The following ANKRD17 variants were observed in gnomAD, a reference collection of about 807,000 sequenced individuals.
The protein encoded by ANKRD17 is ankyrin repeat domain-containing protein 17.
Under a neutral mutation model 229.7 loss-of-function variants are expected in ANKRD17, and 19 were observed. The ratio of observed to expected loss-of-function variants is 0.08; its 90% CI spans 0.06 to 0.12. The LOEUF (loss-of-function observed/expected upper bound fraction) is 0.12, where lower values mean the gene tolerates loss of function less well. ANKRD17 is among the 10% of genes least tolerant of loss of function. ANKRD17 has a pLI of 1.00. For missense variants in ANKRD17, 2,176 were observed against 3,176.8 expected, an observed-to-expected ratio of 0.68 and a Z score of 7.57; for synonymous variants, 1,112 against 1,146.1, an observed-to-expected ratio of 0.97 and a Z score of 0.60.
intron 29 of ANKRD17, 74 bp downstream of exon 29, chr4:73,090,593 T>A: frequency 6.4e-7 from 1 of 1,567,760 alleles, no homozygotes; most frequent in Non-Finnish European, 8.7e-7. Flanking sequence ...ATAAAAATAT[T>A]AGAAAATGAC....
At chr4:73,250,589 C>CAAAAAAAAA (rs35160047) in intron 1 of ANKRD17, among the ~76,000 whole-genome samples, 503 of 29,404 alleles carry the variant, frequency 0.017, 94 homozygotes, top group African/African-American at 0.017. Flanking sequence ...GACCTTGTCT[C>CAAAAAAAAA]AAAAAAAAAA....
At chr4:73,190,882 A>G (rs1321652267) in intron 1 of ANKRD17, among the ~76,000 whole-genome samples, 4 of 152,136 alleles carry the variant, frequency 2.6e-5, no homozygotes, top group African/African-American at 9.6e-5. Context: ...AAACTTTACT[A>G]AAGGACAAAA....
Position 73,115,845 on chromosome 4 carries a change from T to C in ANKRD17, c.4260A>G (p.Arg1420=). ...CCTTATCAGTGATGGTTGCTATGTA[T>C]CTCATACATTCAGAATCTGATGGAA... The part of the protein sequence containing the change: ...NQFPSDSECM[R]YIATITDKEM... The change falls in exon 23 of 34, where the codon AGA becomes AGG. Residue 1420 remains arginine (R), a synonymous_variant. Coordinates refer to ENST00000358602, the MANE Select transcript of ANKRD17 (RefSeq NM_032217.5). The C allele has an allele frequency of 6.2e-7, 1 of 1,613,290 alleles. No individual in the cohort carries two copies. The highest frequency in any genetic ancestry group is 8.5e-7 in the Non-Finnish European group (1 of 1,179,826).
At chr4:73,208,188 CAAAAAAA>C (rs36126530) in intron 1 of ANKRD17, among the ~76,000 whole-genome samples, 2 of 67,962 alleles carry the variant, frequency 2.9e-5, no homozygotes, top group South Asian at 7.3e-4. Flanking sequence ...GACTCCGTCT[CAAAAAAA>C]AAAAAAAAAA....
chr4:73,173,472 C>T (rs182802608), intron 2 of ANKRD17, among the ~76,000 whole-genome samples: 1 of 152,218 alleles, frequency 6.6e-6, no homozygotes, highest in Admixed American at 6.5e-5. Context: ...GTGCAGCTCC[C>T]ACTTGGATGG....
At chr4:73,196,681 A>C (rs1422113450) in intron 1 of ANKRD17, among the ~76,000 whole-genome samples, 1 of 152,170 alleles carries the variant, frequency 6.6e-6, no homozygotes, top group Non-Finnish European at 1.5e-5. Context: ...CAAATAGTGA[A>C]AGTTATCCAT....
At chr4:73,085,217 A>G in intron 30 of ANKRD17, 32 bp downstream of exon 30, 1 of 1,597,488 alleles carries the variant, frequency 6.3e-7, no homozygotes, top group Non-Finnish European at 8.6e-7. Flanking sequence ...ACATATGCAG[A>G]TTCTTATGGA....
chr4:73,177,420 T>C lies in ANKRD17; in HGVS notation c.507A>G (p.Pro169=). ...AAGCTTCCAGTCTAGCCTGTGTTTC[T>C]GGATCTACTGTCCTGAGGTCTGCAC... ...ADGADLRTVD[P]ETQARLEALL... Residue 169 remains proline (P), a synonymous_variant, in exon 2 of 34, where the codon CCA becomes CCG. Coordinates refer to ENST00000358602, the MANE Select transcript of ANKRD17 (RefSeq NM_032217.5). 3.1e-6 allele frequency: 5 copies of C among 1,612,860 alleles called. No homozygotes were observed. In the South Asian group the frequency reaches 4.4e-5, roughly 14 times the overall value.
chr4:73,077,674 T>A, intron 31 of ANKRD17, 141 bp from the exon 32 acceptor site: 1 of 712,768 alleles, frequency 1.4e-6, no homozygotes, highest in Non-Finnish European at 2.1e-6. Context: ...ACAGCAATAT[T>A]TCCATGGTTT....
At chr4:73,093,976 A>G (rs1221851381) in intron 28 of ANKRD17, 103 bp downstream of exon 28, 1 of 1,114,396 alleles carries the variant, frequency 9.0e-7, no homozygotes, top group Non-Finnish European at 1.3e-6. Context: ...TTTAAAAAGT[A>G]TACTATGTAA....
At chr4:73,219,147 A>G (rs1741521061) in intron 1 of ANKRD17, among the ~76,000 whole-genome samples, 1 of 152,208 alleles carries the variant, frequency 6.6e-6, no homozygotes, top group Non-Finnish European at 1.5e-5. Context: ...TACTTTTATC[A>G]ACTCTTAATG....
chr4:73,203,794 G>A (rs574478683), intron 1 of ANKRD17, among the ~76,000 whole-genome samples: 1 of 146,570 alleles, frequency 6.8e-6, no homozygotes, highest in East Asian at 2.0e-4. Flanking sequence ...AAGAAATAAT[G>A]TCTGAAAATT....
chr4:73,139,625 C>G lies in ANKRD17; in HGVS notation c.2991G>C (p.Gly997=). ...QPVLGQAQLA[G]LGQGILTETQ... ...TTTCTGTCAGAATTCCTTGCCCCAG[C>G]CCTGCCAACTGTGCTTGGCCCAGTA... Residue 997 remains glycine (G), a synonymous_variant, in exon 15 of 34, where the codon GGG becomes GGC. Transcript: ENST00000358602. The G allele has an allele frequency of 6.2e-7, 1 of 1,614,134 alleles. No homozygotes were observed. Among genetic ancestry groups the G allele is most frequent in the Non-Finnish European group, 8.5e-7 (1 of 1,180,010 alleles).
Position 73,250,029 on chromosome 4 carries a change from A to T in ANKRD17, c.393+8247T>A, listed in dbSNP as rs144845494. Among the ~76,000 whole-genome samples, 17 of 152,314 alleles carry T rather than the reference A, an allele frequency of 1.1e-4. No homozygotes were observed. The East Asian group carries it at 3.3e-3, about 29-fold the overall frequency. Reference sequence around the variant, plus strand: ...CATGGTACAGCAGCCAAAAATATACATAATCTATTTTGTGCAGATGTAGCA... The same window carrying T: ...CATGGTACAGCAGCCAAAAATATACTTAATCTATTTTGTGCAGATGTAGCA... On this transcript the variant is annotated intron_variant, in intron 1 of 33. Coordinates refer to ENST00000358602, the MANE Select transcript of ANKRD17 (RefSeq NM_032217.5).
chr4:73,253,192 AAC>A (rs2149287498), intron 1 of ANKRD17, among the ~76,000 whole-genome samples: 1 of 152,342 alleles, frequency 6.6e-6, no homozygotes, highest in South Asian at 2.1e-4. Flanking sequence ...GCTCCCTGCC[AAC>A]ATTTGTATAC....
At chr4:73,099,535 C>A (rs1315107359) in intron 25 of ANKRD17, among the ~76,000 whole-genome samples, 1 of 152,222 alleles carries the variant, frequency 6.6e-6, no homozygotes, top group Non-Finnish European at 1.5e-5. Context: ...CCACTGTTCC[C>A]TCTGGCTTCC....
Position 73,091,382 on chromosome 4 carries a change from T to C in ANKRD17, c.6246A>G (p.Pro2082=), listed in dbSNP as rs989026835. The part of the protein sequence containing the change: ...ASSSEQEAGS[P]PVVETTNTRP... ...TAGTGTTTGTTGTTTCTACTACTGG[T>C]GGACTACCTGCTTCCTGTTCGGAGG... Residue 2082 remains proline (P), a synonymous_variant, in exon 29 of 34, where the codon CCA becomes CCG. Coordinates refer to ENST00000358602, the MANE Select transcript of ANKRD17 (RefSeq NM_032217.5). 5.0e-6 allele frequency: 8 copies of C among 1,614,120 alleles called. No individual in the cohort carries two copies. Among genetic ancestry groups the C allele is most frequent in the Non-Finnish European group, 6.8e-6 (8 of 1,180,032 alleles).
chr4:73,142,524 G>A, intron 12 of ANKRD17, 116 bp downstream of exon 12: 1 of 1,581,382 alleles, frequency 6.3e-7, no homozygotes, highest in Non-Finnish European at 8.6e-7. Flanking sequence ...AGTGAAAAAG[G>A]AGAAAATTTA....
chr4:73,079,604 T>C (rs935437991), intron 30 of ANKRD17, among the ~76,000 whole-genome samples: 1 of 152,062 alleles, frequency 6.6e-6, no homozygotes, highest in African/African-American at 2.4e-5. Context: ...TTATAGAACA[T>C]TATATATACT....
Sources: gnomAD v4.1 joint callset for allele counts (sites outside exome capture counted in the v4.1 genomes callset) on GRCh38, gnomAD v4.1.1 for gene constraint, MANE v1.5 for transcripts, NCBI Gene and HGNC (gene_info 2026-07-23, HGNC 2026-07-21) for gene names.